Variants in CACNG7 observed in about 807,000 individuals in gnomAD.
CACNG7 encodes the protein calcium voltage-gated channel auxiliary subunit gamma 7.
A neutral mutation model predicts 26.3 loss-of-function variants in CACNG7; 9 were observed. That is an observed-to-expected ratio of 0.34 (90% CI 0.21 to 0.60). CACNG7 has a LOEUF of 0.60. CACNG7 is among the 20% of genes least tolerant of loss of function. The pLI, the probability that CACNG7 is intolerant of heterozygous loss-of-function variation, is 0.81. For missense variants in CACNG7, 297 were observed against 380.4 expected (o/e 0.78, Z 1.82); for synonymous variants, 170 against 157.0 (o/e 1.08, Z -0.62).
chr19:53,936,082 A>G (rs1406695266), intron 4 of CACNG7, among the ~76,000 whole-genome samples: 1 of 136,228 alleles, frequency 7.3e-6, no homozygotes, highest in South Asian at 2.3e-4. Flanking sequence ...TGAACCTTTC[A>G]TTTTTTATGG....
Position 53,939,235 on chromosome 19 carries a change from G to C in CACNG7, c.425-2235G>C, listed in dbSNP as rs183220253. On this transcript the variant is annotated intron_variant, in intron 4 of 5. Coordinates refer to ENST00000391767, the MANE Select transcript of CACNG7 (RefSeq NM_031896.5). This position sits in a 1 kb window ranked among gnomAD's most constrained non-coding sequence, Gnocchi z 4.2. ...ATTGCACCACTACACTCCAGCCTAG[G>C]TGACAGAGCAAGAATCTGTCTCAAA... Among the ~76,000 whole-genome samples the C allele has an allele frequency of 3.9e-5, 6 of 152,280 alleles. No individual in the cohort carries two copies. Among genetic ancestry groups the C allele is most frequent in the Admixed American group, 3.3e-4 (5 of 15,284 alleles).
intron 4 of CACNG7, among the ~76,000 whole-genome samples, chr19:53,928,264 T>C (rs35194063): frequency 0.35 from 48,411 of 140,170 alleles, 7,878 homozygotes; most frequent in African/African-American, 0.47. Flanking sequence ...GAGATTGGTA[T>C]TTATTTATTT....
intron 4 of CACNG7, among the ~76,000 whole-genome samples, chr19:53,924,404 T>C (rs561089142): frequency 6.9e-6 from 1 of 145,100 alleles, no homozygotes; most frequent in African/African-American, 2.6e-5. Flanking sequence ...CCAGGCCTGG[T>C]CATTGGTGGA....
rs560687184 is a variant in CACNG7 at position 53,942,724 on chromosome 19, G to C, written c.*431G>C. 86 of 273,942 alleles carry C rather than the reference G, an allele frequency of 3.1e-4. No individual in the cohort carries two copies. The highest frequency in any genetic ancestry group is 3.3e-3 in the Middle Eastern group (2 of 614). The allele number at this position is 273,942 out of a possible 1,614,324, so 17.0% of individuals were successfully genotyped here. Reference sequence around the variant, plus strand: ...GAGAGCAGGTTCGGGCAGCCGTCGGGAATACCGACCATCCTCTTCTCCCTT... The same window carrying C: ...GAGAGCAGGTTCGGGCAGCCGTCGGCAATACCGACCATCCTCTTCTCCCTT... On this transcript the variant is annotated 3_prime_UTR_variant, in exon 6 of 6. Transcript: ENST00000391767. The surrounding 1 kb of genome is among the most constrained non-coding windows in gnomAD (Gnocchi z 5.9).
Position 53,933,655 on chromosome 19 carries a change from G to A in CACNG7, c.425-7815G>A, listed in dbSNP as rs564479638. 4.0e-5 allele frequency among the ~76,000 whole-genome samples: 6 copies of A among 151,414 alleles called. No individual in the cohort carries two copies. The East Asian group carries it at 9.7e-4, about 25-fold the overall frequency. ...TCTAAAAGAAGCTTAGATGGATGCA[G>A]GTTTGATTTTTTTTTTTTTTTGGCA... is the stretch of plus-strand genomic sequence containing the variant. On this transcript the variant is annotated intron_variant, in intron 4 of 5. Transcript: ENST00000391767.
intron 4 of CACNG7, among the ~76,000 whole-genome samples, chr19:53,931,020 A>C (rs1405816552): frequency 6.6e-6 from 1 of 151,896 alleles, no homozygotes; most frequent in Non-Finnish European, 1.5e-5. Flanking sequence ...ACATGGTAAA[A>C]TCCCGTCTCT....
At chr19:53,938,138 G>A (rs1033530873) in intron 4 of CACNG7, among the ~76,000 whole-genome samples, 5 of 152,094 alleles carry the variant, frequency 3.3e-5, no homozygotes, top group African/African-American at 1.2e-4. Flanking sequence ...CTTGAGCTCA[G>A]GAGTTCGAGA....
chr19:53,914,700 G>C, intron 3 of CACNG7, 114 bp downstream of exon 3: 41 of 927,158 alleles, frequency 4.4e-5, no homozygotes, highest in Non-Finnish European at 6.7e-5. Flanking sequence ...AGGAGGGGAG[G>C]CTTGAAAGAA....
intron 4 of CACNG7, among the ~76,000 whole-genome samples, chr19:53,925,563 T>TCTGGTCATTGGTGGACTTGCCCAAGG (rs2069023128): frequency 5.7e-5 from 7 of 123,130 alleles, no homozygotes; most frequent in Non-Finnish European, 1.7e-5. Context: ...TTGCCCCAGG[T>TCTGGTCATTGGTGGACTTGCCCAAGG]CTGGTCATTG....
At position 53,942,118 on chromosome 19, in the gene CACNG7, G is replaced by A. The variant is rs537046584; in HGVS notation, c.653G>A (p.Arg218His). The A allele has an allele frequency of 2.5e-6, 4 of 1,613,910 alleles. No homozygotes were observed. The Admixed American group carries it at 6.7e-5, about 27-fold the overall frequency. Residue 218 changes from arginine to histidine, a missense_variant, in exon 6 of 6, where the codon CGC (arginine) becomes CAC (histidine). Coordinates refer to ENST00000391767, the MANE Select transcript of CACNG7 (RefSeq NM_031896.5). This position sits in a 1 kb window ranked among gnomAD's most constrained non-coding sequence, Gnocchi z 5.9. ...TACCGTCCACACCCGGCCTTCTACC[G>A]CCCGCGTCTCAGCGACTGCTCCGAC... The part of the protein sequence containing the change: ...EMYRPHPAFY[R>H]PRLSDCSDYS...
intron 4 of CACNG7, among the ~76,000 whole-genome samples, chr19:53,925,526 G>A (rs79774973): frequency 3.7e-5 from 2 of 54,472 alleles, no homozygotes; most frequent in Non-Finnish European, 6.2e-5. Context: ...CATTGGTGGA[G>A]TTGTCCCAGG....
At chr19:53,917,238 T>C (rs1320274363) in intron 4 of CACNG7, among the ~76,000 whole-genome samples, 1 of 152,190 alleles carries the variant, frequency 6.6e-6, no homozygotes, top group Admixed American at 6.5e-5. Flanking sequence ...CTAACCCCAA[T>C]TCATTCTGAC....
intron 1 of CACNG7, among the ~76,000 whole-genome samples, chr19:53,910,902 G>T (rs930860561): frequency 6.6e-6 from 1 of 152,114 alleles, no homozygotes; most frequent in Non-Finnish European, 1.5e-5. Context: ...AGAACCTCTG[G>T]TAGGAAGTTT....
intron 2 of CACNG7, among the ~76,000 whole-genome samples, chr19:53,913,552 G>T (rs1317696515): frequency 2.6e-5 from 4 of 151,856 alleles, no homozygotes; most frequent in Non-Finnish European, 5.9e-5. Flanking sequence ...AACACGGGAG[G>T]TGGAGGTTGC....
intron 4 of CACNG7, among the ~76,000 whole-genome samples, chr19:53,935,411 C>T (rs1445236151): frequency 3.3e-5 from 5 of 151,534 alleles, no homozygotes; most frequent in Admixed American, 6.6e-5. Context: ...CAACCTCTGC[C>T]TTCTGGGTTA....
intron 1 of CACNG7, among the ~76,000 whole-genome samples, chr19:53,911,724 A>G (rs1298246597): frequency 6.6e-6 from 1 of 152,220 alleles, no homozygotes; most frequent in African/African-American, 2.4e-5. Context: ...CGAGAGGACC[A>G]GGCAGCTCGC....
At chr19:53,930,313 ATTC>A (rs1251232902) in intron 4 of CACNG7, among the ~76,000 whole-genome samples, 1 of 151,752 alleles carries the variant, frequency 6.6e-6, no homozygotes, top group African/African-American at 2.4e-5. Context: ...GGTTCAAGCA[ATTC>A]TTCTGCCTCA....
chr19:53,923,146 C>T (rs376235816), intron 4 of CACNG7, among the ~76,000 whole-genome samples: 724 of 52,354 alleles, frequency 0.014, 1 homozygote, highest in African/African-American at 0.065. Context: ...GGTGGAGTTG[C>T]CCCAGGTCTG....
At position 53,923,038 on chromosome 19, in the gene CACNG7, T is replaced by C. The variant is rs74180740; in HGVS notation, c.424+7533T>C. 1.2e-4 allele frequency among the ~76,000 whole-genome samples: 13 copies of C among 107,602 alleles called. 1 individual carries two copies. The East Asian group carries it at 3.2e-3, about 27-fold the overall frequency. 70.6% of individuals were successfully genotyped at this position (107,602 alleles called of 152,430 possible). ...CCAGGCCTGGTCATTGGTGCAGTTG[T>C]CCCAGGCCTGGTCATTGGTGCAGTT... is the stretch of plus-strand genomic sequence containing the variant. On this transcript the variant is annotated intron_variant, in intron 4 of 5. Coordinates refer to ENST00000391767, the MANE Select transcript of CACNG7 (RefSeq NM_031896.5).
Sources: allele counts gnomAD v4.1 joint callset (sites outside exome capture counted in the v4.1 genomes callset), GRCh38; gene constraint gnomAD v4.1.1; non-coding constraint Gnocchi (gnomAD v3.1); transcripts MANE v1.5; gene names NCBI Gene and HGNC (gene_info 2026-07-23, HGNC 2026-07-21).